PTPRT: variants seen among roughly 807,000 people sequenced by gnomAD.
PTPRT encodes protein tyrosine phosphatase receptor type T, also known as receptor-type tyrosine-protein phosphatase T.
PTPRT carries 56 observed loss-of-function variants against 176.8 expected under a neutral mutation model. The observed-to-expected ratio is 0.32, with a 90% confidence interval of 0.26 to 0.40. PTPRT has a LOEUF of 0.40. Ranked by LOEUF, PTPRT falls within the 10% of genes least tolerant of loss-of-function variation. The pLI is 1.00. For missense variants in PTPRT, 1,540 were observed against 1,908.2 expected, an observed-to-expected ratio of 0.81 and a Z score of 3.60; for synonymous variants, 783 against 739.0, an observed-to-expected ratio of 1.06 and a Z score of -0.96.
intron 15 of PTPRT, among the ~76,000 whole-genome samples, chr20:42,225,307 C>T (rs75711617): frequency 0.042 from 6,322 of 152,110 alleles, 416 homozygotes; most frequent in African/African-American, 0.14. Flanking sequence ...TTGTTCTAGC[C>T]TAGCTCTATA....
chr20:42,875,035 A>C (rs2078907724), intron 2 of PTPRT, among the ~76,000 whole-genome samples: 2 of 152,156 alleles, frequency 1.3e-5, no homozygotes, highest in South Asian at 4.1e-4. Context: ...TCATCAGAAG[A>C]AGCACTTTTT....
rs910778972 is a variant in PTPRT at position 42,073,994 on chromosome 20, C to T, written c.*6885G>A. 3 of 230,768 alleles carry T rather than the reference C, an allele frequency of 1.3e-5. No individual in the cohort carries two copies. The highest frequency in any genetic ancestry group is 4.4e-5 in the African/African-American group (2 of 45,210). 14.3% of individuals were successfully genotyped at this position (230,768 alleles called of 1,614,324 possible). On this transcript the variant is annotated 3_prime_UTR_variant, in exon 31 of 31. Transcript: ENST00000373187. ...TTCCTTACAGCTATTAAGTTTCACT[C>T]ATGGGTCCTAGTTATACTCAGAGGA...
intron 22 of PTPRT, among the ~76,000 whole-genome samples, chr20:42,112,127 A>G (rs981146603): frequency 2.0e-4 from 30 of 152,194 alleles, no homozygotes; most frequent in African/African-American, 7.2e-4. Flanking sequence ...ACGGTTCCAC[A>G]CAAGAGGAAG....
intron 27 of PTPRT, among the ~76,000 whole-genome samples, chr20:42,095,731 G>T (rs997513591): frequency 6.6e-6 from 1 of 152,212 alleles, no homozygotes; most frequent in African/African-American, 2.4e-5. Flanking sequence ...TAGAAGAGAA[G>T]TTGCATGAGA....
chr20:42,890,674 A>G lies in PTPRT; in HGVS notation c.89-4742T>C, dbSNP rs937605952. Among the ~76,000 whole-genome samples the G allele has an allele frequency of 2.6e-5, 4 of 152,248 alleles. No individual in the cohort carries two copies. The South Asian group carries it at 6.2e-4, about 24-fold the overall frequency. On this transcript the variant is annotated intron_variant, in intron 1 of 30. Coordinates refer to ENST00000373187, the MANE Select transcript of PTPRT (RefSeq NM_007050.6). Reference sequence around the variant, plus strand: ...AAAACATTTAAACCCAGTAACATCTATCTGTCTTGGAGCAATTCCTAGTGG... The same window carrying G: ...AAAACATTTAAACCCAGTAACATCTGTCTGTCTTGGAGCAATTCCTAGTGG...
intron 6 of PTPRT, among the ~76,000 whole-genome samples, chr20:42,726,188 T>A (rs926785610): frequency 5.3e-5 from 8 of 152,018 alleles, no homozygotes; most frequent in African/African-American, 1.9e-4. Flanking sequence ...CAAGCAATCC[T>A]CGTGCCTCAG....
chr20:42,264,550 C>T (rs562972622), intron 13 of PTPRT, among the ~76,000 whole-genome samples: 3 of 152,322 alleles, frequency 2.0e-5, no homozygotes, highest in African/African-American at 4.8e-5. Flanking sequence ...CACCTGCCCT[C>T]GTGGCCTCCA....
At chr20:42,180,280 C>T (rs996152080) in intron 16 of PTPRT, among the ~76,000 whole-genome samples, 4 of 152,028 alleles carry the variant, frequency 2.6e-5, no homozygotes, top group Admixed American at 2.6e-4. Context: ...GTTCTAGCTT[C>T]CACATATCAG....
intron 5 of PTPRT, among the ~76,000 whole-genome samples, chr20:42,766,978 A>T (rs2076991520): frequency 1.3e-5 from 2 of 152,120 alleles, no homozygotes; most frequent in Admixed American, 1.3e-4. Flanking sequence ...AAGTCACCCC[A>T]ACCTTATTAT....
intron 2 of PTPRT, among the ~76,000 whole-genome samples, chr20:42,847,587 C>T (rs753241418): frequency 1.1e-4 from 16 of 152,176 alleles, no homozygotes; most frequent in Non-Finnish European, 2.1e-4. Context: ...CTTGGATATA[C>T]ATGTTCAGCC....
intron 1 of PTPRT, among the ~76,000 whole-genome samples, chr20:43,049,364 C>T (rs1372118676): frequency 1.3e-5 from 2 of 152,110 alleles, no homozygotes; most frequent in Admixed American, 6.5e-5. Context: ...TGCATACATA[C>T]GTAGACACAC....
At chr20:42,174,142 C>T (rs1990186748) in intron 16 of PTPRT, among the ~76,000 whole-genome samples, 1 of 152,114 alleles carries the variant, frequency 6.6e-6, no homozygotes, top group African/African-American at 2.4e-5. Context: ...TTACTTCATG[C>T]TTTCAGTAAG....
intron 1 of PTPRT, among the ~76,000 whole-genome samples, chr20:43,071,732 C>T (rs1220434889): frequency 6.6e-6 from 1 of 152,234 alleles, no homozygotes; most frequent in Non-Finnish European, 1.5e-5. Context: ...TTGCAGTGAG[C>T]CAAGATCGTG....
chr20:42,945,215 T>G (rs1980807409), intron 1 of PTPRT, among the ~76,000 whole-genome samples: 1 of 151,466 alleles, frequency 6.6e-6, no homozygotes, highest in African/African-American at 2.4e-5. Context: ...ATGTATGTAT[T>G]TATCTACAAT....
chr20:42,461,873 T>G (rs1370120050), intron 8 of PTPRT, among the ~76,000 whole-genome samples: 1 of 149,758 alleles, frequency 6.7e-6, no homozygotes, highest in East Asian at 2.0e-4. Flanking sequence ...TGTTTCTGGG[T>G]TTTTTTTTTA....
intron 9 of PTPRT, among the ~76,000 whole-genome samples, chr20:42,423,628 A>G (rs1255113310): frequency 6.6e-6 from 1 of 152,236 alleles, no homozygotes; most frequent in Non-Finnish European, 1.5e-5. Flanking sequence ...TGACATCACA[A>G]TCATAATTCT....
chr20:42,565,389 G>T (rs1469410174), intron 7 of PTPRT, among the ~76,000 whole-genome samples: 2 of 152,140 alleles, frequency 1.3e-5, no homozygotes, highest in African/African-American at 4.8e-5. Flanking sequence ...CATCCGGCCA[G>T]AAATAAACAG....
At chr20:42,764,900 A>C (rs2076961815) in intron 5 of PTPRT, among the ~76,000 whole-genome samples, 1 of 152,144 alleles carries the variant, frequency 6.6e-6, no homozygotes, top group South Asian at 2.1e-4. Flanking sequence ...GGTAGGTAGG[A>C]GGAGGAGCTG....
chr20:42,147,361 A>G (rs1432654023), intron 17 of PTPRT, among the ~76,000 whole-genome samples: 1 of 152,210 alleles, frequency 6.6e-6, no homozygotes, highest in Non-Finnish European at 1.5e-5. Flanking sequence ...AAGTGGATCC[A>G]TAGCATCTAT....
Sources: allele counts gnomAD v4.1 joint callset (sites outside exome capture counted in the v4.1 genomes callset), GRCh38; gene constraint gnomAD v4.1.1; transcripts MANE v1.5; gene names NCBI Gene and HGNC (gene_info 2026-07-23, HGNC 2026-07-21).